The following SAMMSON variants were observed in gnomAD, a reference collection of about 807,000 sequenced individuals.
SAMMSON encodes the protein long intergenic non-protein coding RNA 1212.
intron 4 of SAMMSON, among the ~76,000 whole-genome samples, chr3:70,112,670 AAATC>A (rs1403931115): frequency 6.6e-6 from 1 of 152,184 alleles, no homozygotes; most frequent in Non-Finnish European, 1.5e-5. Flanking sequence ...AGCATGGTAA[AAATC>A]AATTAATAAA....
chr3:70,188,276 A>G (rs1409668329), intron 4 of SAMMSON, among the ~76,000 whole-genome samples: 4 of 152,194 alleles, frequency 2.6e-5, no homozygotes, highest in Admixed American at 6.5e-5. Flanking sequence ...AAGCTATTTC[A>G]AGTCTCCAAG....
chr3:70,310,639 T>C (rs1400203541), intron 7 of SAMMSON, among the ~76,000 whole-genome samples: 2 of 152,070 alleles, frequency 1.3e-5, no homozygotes, highest in East Asian at 3.9e-4. Context: ...GTGCTGGGAT[T>C]ATAGATGTGA....
rs78743409 is a variant in SAMMSON, at chr3:70,352,195, A to G, written n.740-1980A>G. Among the ~76,000 whole-genome samples, 316 of 152,176 alleles carry G rather than the reference A, an allele frequency of 2.1e-3. 2 individuals carry two copies. The highest frequency in any genetic ancestry group is 7.3e-3 in the African/African-American group (302 of 41,538). On this transcript the variant is annotated intron_variant and non_coding_transcript_variant, in intron 7 of 9. Coordinates refer to ENST00000642114, the Ensembl canonical transcript of SAMMSON. ...GTTAAACACAAATAACTTCATCCCA[A>G]GAGACCTCATAGCCAAGTTTTAGTG...
chr3:70,214,240 G>C (rs951188860), intron 4 of SAMMSON, among the ~76,000 whole-genome samples: 4 of 152,074 alleles, frequency 2.6e-5, no homozygotes, highest in Non-Finnish European at 5.9e-5. Context: ...TCAAATGGCA[G>C]CTCTGGTTGG....
chr3:70,337,439 T>C (rs1037747815), intron 7 of SAMMSON, among the ~76,000 whole-genome samples: 4 of 151,748 alleles, frequency 2.6e-5, no homozygotes, highest in African/African-American at 9.7e-5. Context: ...TATATTCTGC[T>C]TGATGGCTAC....
At chr3:70,087,749 T>A (rs2067290926) in intron 4 of SAMMSON, among the ~76,000 whole-genome samples, 1 of 152,140 alleles carries the variant, frequency 6.6e-6, no homozygotes, top group African/African-American at 2.4e-5. Flanking sequence ...CAGAAGAGAA[T>A]CATGGGCACT....
intron 4 of SAMMSON, among the ~76,000 whole-genome samples, chr3:70,115,690 C>G (rs2067407897): frequency 6.6e-6 from 1 of 152,146 alleles, no homozygotes; most frequent in Non-Finnish European, 1.5e-5. Flanking sequence ...CTTCTCCCCT[C>G]TATTCTATGA....
intron 4 of SAMMSON, among the ~76,000 whole-genome samples, chr3:70,114,400 C>T (rs968890931): frequency 1.3e-5 from 2 of 152,074 alleles, no homozygotes; most frequent in African/African-American, 4.8e-5. Flanking sequence ...ATCTCTTTGT[C>T]GACAGAGTAA....
rs969648045 is a variant in SAMMSON, at chr3:70,233,637, T to C, written n.508-15470T>C. Reference sequence around the variant, plus strand: ...TCTGCCAGAGTTTCCCTATGTCCTTTTGTAATCCATGCATCCCTCTACTTC... The same window carrying C: ...TCTGCCAGAGTTTCCCTATGTCCTTCTGTAATCCATGCATCCCTCTACTTC... On this transcript the variant is annotated intron_variant and non_coding_transcript_variant, in intron 4 of 9. Coordinates refer to ENST00000642114, the Ensembl canonical transcript of SAMMSON. Among the ~76,000 whole-genome samples the C allele has an allele frequency of 2.6e-5, 4 of 152,194 alleles. No individual in the cohort carries two copies. In the East Asian group the frequency reaches 5.8e-4, roughly 22 times the overall value.
downstream of SAMMSON, among the ~76,000 whole-genome samples, chr3:70,393,737 G>A (rs1701068893): frequency 6.6e-6 from 1 of 152,030 alleles, no homozygotes; most frequent in African/African-American, 2.4e-5. Context: ...AAGGTCTGGA[G>A]GTGGAAATAA....
chr3:70,098,540 G>A (rs2067331507), intron 4 of SAMMSON, among the ~76,000 whole-genome samples: 2 of 151,928 alleles, frequency 1.3e-5, no homozygotes, highest in Admixed American at 1.3e-4. Context: ...GCTAATTTAT[G>A]TATTTTTTAG....
At chr3:70,043,161 C>T (rs1199270915) in intron 3 of SAMMSON, among the ~76,000 whole-genome samples, 1 of 152,066 alleles carries the variant, frequency 6.6e-6, no homozygotes, top group Non-Finnish European at 1.5e-5. Context: ...TTGAGATTCC[C>T]ATTTCAGAGC....
intron 7 of SAMMSON, among the ~76,000 whole-genome samples, chr3:70,332,162 C>T (rs1217368574): frequency 6.6e-6 from 1 of 152,206 alleles, no homozygotes; most frequent in African/African-American, 2.4e-5. Flanking sequence ...TGAATTTCTT[C>T]TTTAACTCAA....
intron 4 of SAMMSON, among the ~76,000 whole-genome samples, chr3:70,078,849 C>A (rs1310451698): frequency 6.6e-6 from 1 of 152,170 alleles, no homozygotes. Context: ...CACTTTAGTG[C>A]TGGCTCAGCT....
intron 4 of SAMMSON, among the ~76,000 whole-genome samples, chr3:70,150,565 C>A (rs780043531): frequency 2.6e-5 from 4 of 151,920 alleles, no homozygotes; most frequent in African/African-American, 4.8e-5. Context: ...CTGAATTTGG[C>A]CCCAAATACC....
At chr3:70,282,934 A>G (rs1305895677) in intron 6 of SAMMSON, among the ~76,000 whole-genome samples, 3 of 152,196 alleles carry the variant, frequency 2.0e-5, no homozygotes, top group African/African-American at 7.2e-5. Context: ...GTAATAAAAG[A>G]TGACTCTTAT....
At chr3:70,257,310 T>C (rs1306159838) in intron 6 of SAMMSON, among the ~76,000 whole-genome samples, 1 of 152,158 alleles carries the variant, frequency 6.6e-6, no homozygotes, top group Non-Finnish European at 1.5e-5. Context: ...GTAATGGAGA[T>C]ATTGGGGAAG....
intron 4 of SAMMSON, among the ~76,000 whole-genome samples, chr3:70,081,800 G>T (rs1056137472): frequency 3.3e-5 from 5 of 152,132 alleles, no homozygotes; most frequent in African/African-American, 1.2e-4. Flanking sequence ...ATATTCACAG[G>T]TGCTTTTCCT....
chr3:70,260,779 G>T (rs1404352971), intron 6 of SAMMSON, among the ~76,000 whole-genome samples: 1 of 151,746 alleles, frequency 6.6e-6, no homozygotes, highest in Non-Finnish European at 1.5e-5. Context: ...ATTATTGCTA[G>T]CTCCAAGGTA....
Sources: allele counts gnomAD v4.1 joint callset (sites outside exome capture counted in the v4.1 genomes callset), GRCh38; gene constraint gnomAD v4.1.1; transcripts MANE v1.5; gene names NCBI Gene and HGNC (gene_info 2026-07-23, HGNC 2026-07-21).